The following SOX6 variants were observed in gnomAD, a reference collection of about 807,000 sequenced individuals.
SOX6 encodes the protein transcription factor SOX-6.
Under a neutral mutation model 97.8 loss-of-function variants are expected in SOX6, and 11 were observed. That is an observed-to-expected ratio of 0.11 (90% CI 0.07 to 0.19). The LOEUF (loss-of-function observed/expected upper bound fraction) is 0.19, where lower values mean the gene tolerates loss of function less well. SOX6 is among the 10% of genes least tolerant of loss of function. The pLI, the probability that SOX6 is intolerant of heterozygous loss-of-function variation, is 1.00. For synonymous variants in SOX6, 360 were observed against 371.4 expected, an observed-to-expected ratio of 0.97 and a Z score of 0.35; for missense variants, 810 against 1,039.5, an observed-to-expected ratio of 0.78 and a Z score of 3.04.
At chr11:16,410,430 T>A (rs1018860749) in intron 1 of SOX6, among the ~76,000 whole-genome samples, 3 of 152,092 alleles carry the variant, frequency 2.0e-5, no homozygotes, top group African/African-American at 7.2e-5. Flanking sequence ...ATCTATGATC[T>A]AATTGCAGTT....
At chr11:15,976,873 T>C (rs900653136) in intron 15 of SOX6, among the ~76,000 whole-genome samples, 1 of 152,066 alleles carries the variant, frequency 6.6e-6, no homozygotes, top group African/African-American at 2.4e-5. Context: ...TGACTCACCT[T>C]CTTACTCTAA....
At chr11:16,461,851 A>G (rs1231699429) in intron 1 of SOX6, among the ~76,000 whole-genome samples, 1 of 152,154 alleles carries the variant, frequency 6.6e-6, no homozygotes, top group Non-Finnish European at 1.5e-5. Context: ...TCCTTCTTTG[A>G]GCCATGCATT....
At chr11:16,094,060 C>T (rs1340036578) in intron 9 of SOX6, among the ~76,000 whole-genome samples, 4 of 151,804 alleles carry the variant, frequency 2.6e-5, no homozygotes, top group Non-Finnish European at 2.9e-5. Context: ...TAGAACAGAG[C>T]AAGAGTAAAT....
chr11:16,591,014 A>G (rs1848143934), intron 4 of SOX6, among the ~76,000 whole-genome samples: 1 of 152,130 alleles, frequency 6.6e-6, no homozygotes, highest in Non-Finnish European at 1.5e-5. Flanking sequence ...TGATGTGATT[A>G]TTATGCAATG....
In SOX6 at chr11:16,341,041, C is replaced by A; in HGVS notation, c.208G>T (p.Asp70Tyr). 2 of 1,613,382 alleles carry A rather than the reference C, an allele frequency of 1.2e-6. No individual in the cohort carries two copies. The highest frequency in any genetic ancestry group is 1.1e-5 in the South Asian group (1 of 91,076). The change falls in exon 2 of 16, where the codon GAC (aspartate) becomes TAC (tyrosine). Residue 70 changes from aspartate (D) to tyrosine (Y), a missense_variant. Coordinates refer to ENST00000683767, the MANE Select transcript of SOX6 (RefSeq NM_001367873.1). ...CTTTGCTGAGATGACAGAACGCTGT[C>A]CCAGTCAGCATCTTGTTGAATGGTA... is the stretch of plus-strand genomic sequence containing the variant. ...VSTIQQDADW[D>Y]SVLSSQQRME... is the part of the protein sequence containing the mutation.
chr11:16,323,722 A>C (rs529299402), intron 2 of SOX6, among the ~76,000 whole-genome samples: 2 of 152,264 alleles, frequency 1.3e-5, no homozygotes, highest in South Asian at 2.1e-4. Context: ...AATATACTGG[A>C]ATAAAATATT....
intron 6 of SOX6, among the ~76,000 whole-genome samples, chr11:16,157,932 G>A (rs1850645091): frequency 6.6e-6 from 1 of 151,860 alleles, no homozygotes; most frequent in African/African-American, 2.4e-5. Flanking sequence ...TCTATCAATT[G>A]GGATTAAATG....
At chr11:16,611,235 G>A (rs145162118) in intron 4 of SOX6, among the ~76,000 whole-genome samples, 2 of 152,318 alleles carry the variant, frequency 1.3e-5, no homozygotes, top group South Asian at 4.1e-4. Flanking sequence ...AATTCTGCTC[G>A]AGAAGTTAGT....
At chr11:16,481,903 T>G (rs1367582013) in intron 4 of SOX6, among the ~76,000 whole-genome samples, 4 of 152,096 alleles carry the variant, frequency 2.6e-5, no homozygotes, top group African/African-American at 9.7e-5. Flanking sequence ...ATAAACCTAT[T>G]ACATAGTATT....
intron 4 of SOX6, among the ~76,000 whole-genome samples, chr11:16,531,015 T>C (rs1861229227): frequency 6.9e-6 from 1 of 144,940 alleles, no homozygotes; most frequent in Admixed American, 6.9e-5. Context: ...TATTCCTCTA[T>C]ATATATATAT....
At chr11:16,729,536 T>C (rs1848333216) in intron 2 of SOX6, among the ~76,000 whole-genome samples, 1 of 152,094 alleles carries the variant, frequency 6.6e-6, no homozygotes, top group African/African-American at 2.4e-5. Context: ...TGCTGAGAGA[T>C]TTTGTCACCA....
At chr11:16,497,448 C>T (rs368215657) in intron 4 of SOX6, among the ~76,000 whole-genome samples, 68 of 152,178 alleles carry the variant, frequency 4.5e-4, no homozygotes, top group African/African-American at 1.2e-3. Flanking sequence ...TCACCAGCAA[C>T]GGAACAAAGC....
At chr11:16,643,423 C>A (rs1848958225) in intron 3 of SOX6, among the ~76,000 whole-genome samples, 1 of 152,164 alleles carries the variant, frequency 6.6e-6, no homozygotes, top group South Asian at 2.1e-4. Flanking sequence ...CTGGGAGAAC[C>A]ACCACTGTCT....
intron 10 of SOX6, among the ~76,000 whole-genome samples, chr11:16,054,690 G>A (rs549772491): frequency 6.6e-6 from 1 of 152,206 alleles, no homozygotes; most frequent in South Asian, 2.1e-4. Context: ...TGTTTCCCTT[G>A]TGAAGATTTA....
intron 1 of SOX6, among the ~76,000 whole-genome samples, chr11:16,351,037 TA>T: frequency 6.6e-6 from 1 of 152,250 alleles, no homozygotes; most frequent in Non-Finnish European, 1.5e-5. Context: ...AGCATCTCAT[TA>T]AGTCATAAGA....
At chr11:16,103,262 A>T (rs1035640016) in intron 7 of SOX6, among the ~76,000 whole-genome samples, 2 of 152,014 alleles carry the variant, frequency 1.3e-5, no homozygotes, top group African/African-American at 4.8e-5. Context: ...GCCAATGATC[A>T]TATAAAAAAA....
At chr11:16,537,312 C>G (rs1216459301) in intron 4 of SOX6, among the ~76,000 whole-genome samples, 6 of 152,310 alleles carry the variant, frequency 3.9e-5, no homozygotes, top group African/African-American at 1.4e-4. Context: ...AAAACCCCAT[C>G]TGTAGGTCAC....
At chr11:16,510,711 A>G (rs1309503857) in intron 4 of SOX6, among the ~76,000 whole-genome samples, 4 of 152,120 alleles carry the variant, frequency 2.6e-5, no homozygotes, top group African/African-American at 9.7e-5. Flanking sequence ...GATACGCTGA[A>G]AGGTAGGTTA....
chr11:16,556,066 A>G (rs1847744899), intron 4 of SOX6, among the ~76,000 whole-genome samples: 1 of 151,682 alleles, frequency 6.6e-6, no homozygotes, highest in Admixed American at 6.6e-5. Flanking sequence ...ATTATATTCT[A>G]GAGTAACTCA....
Sources: allele counts gnomAD v4.1 joint callset (sites outside exome capture counted in the v4.1 genomes callset), GRCh38; gene constraint gnomAD v4.1.1; transcripts MANE v1.5; gene names NCBI Gene and HGNC (gene_info 2026-07-23, HGNC 2026-07-21).